The following SUMF1 variants were observed in gnomAD, a reference collection of about 807,000 sequenced individuals.
The protein encoded by SUMF1 is sulfatase modifying factor 1.
SUMF1 carries 48 observed loss-of-function variants against 47.6 expected under a neutral mutation model. The observed-to-expected ratio is 1.01, with a 90% CI of 0.80 to 1.28. SUMF1 has a LOEUF of 1.28. SUMF1 is among the 50% of genes most tolerant of loss of function. The probability of loss-of-function intolerance (pLI) is 0.00; values close to 1 mark genes in which losing one functional copy is unlikely to be tolerated. For missense variants in SUMF1, 571 were observed against 485.4 expected (o/e 1.18, Z -1.66); for synonymous variants, 230 against 192.1 (o/e 1.20, Z -1.63).
chr3:4,245,895 C>A (rs1008700579), intron 8 of SUMF1, among the ~76,000 whole-genome samples: 2 of 152,206 alleles, frequency 1.3e-5, no homozygotes, highest in Admixed American at 1.3e-4. Context: ...TAATGTGCTC[C>A]ACCCAGTTCG....
At chr3:4,163,366 G>GGAAGGAAGGAAGGAAGGAA (rs1694623653) in intron 8 of SUMF1, among the ~76,000 whole-genome samples, 7 of 11,940 alleles carry the variant, frequency 5.9e-4, no homozygotes, top group South Asian at 7.1e-3. Context: ...GAGAGAGAAA[G>GGAAGGAAGGAAGGAAGGAA]GAAGGAAGGA....
Position 4,049,406 on chromosome 3 carries a change from A to G in SUMF1, c.1191+19163T>C, listed in dbSNP as rs537836797. Among the ~76,000 whole-genome samples, 12 of 152,280 alleles carry G rather than the reference A, an allele frequency of 7.9e-5. No individual in the cohort carries two copies. The East Asian group carries it at 2.3e-3, about 29-fold the overall frequency. ...CACAGCAGGGAGCTCATGCCAAAAT[A>G]TTTGCTGGATGGCACTAATGACCAC... is the stretch of plus-strand genomic sequence containing the variant. On this transcript the variant is annotated intron_variant and NMD_transcript_variant, in intron 9 of 12. Transcript: ENST00000448413.
chr3:4,241,618 AACAATTAT>A (rs1401190465), intron 8 of SUMF1, among the ~76,000 whole-genome samples: 2 of 152,190 alleles, frequency 1.3e-5, no homozygotes, highest in Admixed American at 1.3e-4. Flanking sequence ...TCTTTCTATC[AACAATTAT>A]TTGTTTGGCC....
chr3:4,365,723 G>C, intron 8 of SUMF1, among the ~76,000 whole-genome samples: 2 of 147,216 alleles, frequency 1.4e-5, no homozygotes, highest in Non-Finnish European at 3.0e-5. Flanking sequence ...TACATTTAAA[G>C]TTAATATTGT....
chr3:4,265,987 ATCCTTTCCCCAT>A (rs1462679549), intron 8 of SUMF1, among the ~76,000 whole-genome samples: 1 of 152,064 alleles, frequency 6.6e-6, no homozygotes, highest in Non-Finnish European at 1.5e-5. Flanking sequence ...TAAATAGGGA[ATCCTTTCCCCAT>A]TGCTTGTTTT....
intron 8 of SUMF1, among the ~76,000 whole-genome samples, chr3:4,278,825 T>C (rs1697472020): frequency 6.6e-6 from 1 of 152,258 alleles, no homozygotes; most frequent in East Asian, 1.9e-4. Flanking sequence ...TTATTTATAA[T>C]GGTGGAACAA....
At chr3:4,328,450 G>T (rs553479417) in intron 8 of SUMF1, among the ~76,000 whole-genome samples, 1 of 152,218 alleles carries the variant, frequency 6.6e-6, no homozygotes, top group East Asian at 1.9e-4. Flanking sequence ...GGCTGGGGAG[G>T]CCTCACAATC....
intron 8 of SUMF1, among the ~76,000 whole-genome samples, chr3:4,276,953 A>T (rs969500205): frequency 2.6e-5 from 4 of 152,200 alleles, no homozygotes; most frequent in Non-Finnish European, 5.9e-5. Context: ...AGCCTTCAGG[A>T]TGTTCTGAGG....
rs114443767 is a variant in SUMF1, at chr3:4,051,388, G to T, written c.1191+17181C>A. Among the ~76,000 whole-genome samples, 952 of 152,208 alleles carry T rather than the reference G, an allele frequency of 6.3e-3. 15 individuals carry two copies. Among genetic ancestry groups the T allele is most frequent in the African/African-American group, 0.022 (922 of 41,520 alleles). ...ACAGGACAAAGAGCCCCAAGAAAGTGGTTTTGTCCAGTGATGCACAGCCTT... is the reference window on the plus strand; with the variant it reads ...ACAGGACAAAGAGCCCCAAGAAAGTTGTTTTGTCCAGTGATGCACAGCCTT... On this transcript the variant is annotated intron_variant and NMD_transcript_variant, in intron 9 of 12. Transcript: ENST00000448413.
rs1233415691 is a variant in SUMF1 at position 4,420,082 on chromosome 3, T to C, written c.584A>G (p.Asp195Gly). 8 of 1,613,948 alleles carry C rather than the reference T, an allele frequency of 5.0e-6. No individual in the cohort carries two copies. Among genetic ancestry groups the C allele is most frequent in the Non-Finnish European group, 6.8e-6 (8 of 1,179,984 alleles). ...GANWRHPEGP[D>G]STILHRPDHP... ...GCCTCACCTGTGCAGAATAGTAGAG[T>C]CAGGCCCTTCTGGGTGTCTCCAGTT... The change falls in exon 4 of 9, where the codon GAC becomes GGC. Residue 195 changes from aspartate to glycine, a missense_variant. Coordinates refer to ENST00000272902, the MANE Select transcript of SUMF1 (RefSeq NM_182760.4).
chr3:4,400,617 G>T (rs1005756109), intron 7 of SUMF1, among the ~76,000 whole-genome samples: 1 of 152,210 alleles, frequency 6.6e-6, no homozygotes, highest in African/African-American at 2.4e-5. Flanking sequence ...CTTAGAAACC[G>T]TAATCTGCTC....
chr3:4,433,957 G>T (rs530455369), intron 3 of SUMF1, among the ~76,000 whole-genome samples: 1 of 152,188 alleles, frequency 6.6e-6, no homozygotes, highest in African/African-American at 2.4e-5. Context: ...TGAAAGCAGG[G>T]GTTCGAAGGA....
At position 4,398,351 on chromosome 3, in the gene SUMF1, G is replaced by A. The variant is rs75730293; in HGVS notation, c.954+12514C>T. Among the ~76,000 whole-genome samples the A allele has an allele frequency of 5.1e-3, 773 of 152,056 alleles. 3 individuals are homozygous for A. Among genetic ancestry groups the A allele is most frequent in the Non-Finnish European group, 8.2e-3 (556 of 67,978 alleles). ...GTATACCCTTACATAAAACTTCTAC[G>A]TGTGGATATGCATATTCCTATATTA... On this transcript the variant is annotated intron_variant, in intron 7 of 8. Transcript: ENST00000272902.
At chr3:4,185,755 G>A (rs1162806702) in intron 8 of SUMF1, among the ~76,000 whole-genome samples, 2 of 152,176 alleles carry the variant, frequency 1.3e-5, no homozygotes, top group African/African-American at 4.8e-5. Flanking sequence ...TTAATAAAGA[G>A]AAGGAAAGTG....
intron 2 of SUMF1, among the ~76,000 whole-genome samples, chr3:4,450,184 C>CT (rs1398760947): frequency 6.6e-6 from 1 of 152,168 alleles, no homozygotes; most frequent in Non-Finnish European, 1.5e-5. Context: ...GTCAAGGAGT[C>CT]TGTGTGTGTA....
chr3:4,052,683 T>G (rs1199555229), intron 9 of SUMF1, among the ~76,000 whole-genome samples: 1 of 152,198 alleles, frequency 6.6e-6, no homozygotes, highest in Middle Eastern at 3.2e-3. Context: ...CCACATAATC[T>G]TCTTCTCGTG....
At chr3:4,161,941 T>A (rs1033231145) in intron 8 of SUMF1, among the ~76,000 whole-genome samples, 1 of 151,810 alleles carries the variant, frequency 6.6e-6, no homozygotes, top group Non-Finnish European at 1.5e-5. Context: ...CATCTCAGAG[T>A]TTCACCCAAG....
intron 8 of SUMF1, among the ~76,000 whole-genome samples, chr3:4,120,473 T>G (rs988323222): frequency 2.0e-5 from 3 of 152,320 alleles, no homozygotes; most frequent in African/African-American, 7.2e-5. Flanking sequence ...AGGTTATTTG[T>G]GATGGTCTTG....
At chr3:4,337,877 T>C (rs530464614) in intron 8 of SUMF1, among the ~76,000 whole-genome samples, 1 of 57,364 alleles carries the variant, frequency 1.7e-5, no homozygotes, top group East Asian at 4.9e-4. Context: ...CTTGTTTCCC[T>C]TTCCTCTCAG....
Sources: gnomAD v4.1 joint callset for allele counts (sites outside exome capture counted in the v4.1 genomes callset) on GRCh38, gnomAD v4.1.1 for gene constraint, MANE v1.5 for transcripts, NCBI Gene and HGNC (gene_info 2026-07-23, HGNC 2026-07-21) for gene names.